Variants in LIN52 observed in about 807,000 individuals in gnomAD.
LIN52 encodes protein lin-52 homolog.
Under a neutral mutation model 18.5 loss-of-function variants are expected in LIN52, and 4 were observed. That is an observed-to-expected ratio of 0.22 (90% confidence interval 0.11 to 0.49). The LOEUF (loss-of-function observed/expected upper bound fraction) is 0.49. LIN52 is among the 20% of genes least tolerant of loss of function. LIN52 has a pLI of 0.97. For synonymous variants in LIN52, 34 were observed against 45.5 expected, an observed-to-expected ratio of 0.75 and a Z score of 1.02; for missense variants, 102 against 139.5, an observed-to-expected ratio of 0.73 and a Z score of 1.35.
chr14:74,166,186 C>T (rs892018231), intron 5 of LIN52, among the ~76,000 whole-genome samples: 1 of 151,556 alleles, frequency 6.6e-6, no homozygotes, highest in Non-Finnish European at 1.5e-5. Context: ...CCACTGCGCC[C>T]AGCTATTTCA....
chr14:74,174,463 A>T (rs2061283818), intron 5 of LIN52: 1 of 152,454 alleles, frequency 6.6e-6, no homozygotes, highest in Non-Finnish European at 1.5e-5. Context: ...ATAGCTGGGC[A>T]TGGTGATGGG....
chr14:74,160,607 A>G (rs1474385655), intron 5 of LIN52, among the ~76,000 whole-genome samples: 2 of 152,218 alleles, frequency 1.3e-5, no homozygotes, highest in Non-Finnish European at 2.9e-5. Flanking sequence ...CCATTTTTCT[A>G]AGTCTTCTAC....
intron 5 of LIN52, among the ~76,000 whole-genome samples, chr14:74,198,141 C>T (rs2078926576): frequency 6.6e-6 from 1 of 152,200 alleles, no homozygotes; most frequent in African/African-American, 2.4e-5. Flanking sequence ...GGGGCTGTTA[C>T]ACTACGTATG....
intron 5 of LIN52, among the ~76,000 whole-genome samples, chr14:74,131,052 G>T (rs2061063553): frequency 1.3e-5 from 2 of 152,058 alleles, no homozygotes; most frequent in Non-Finnish European, 2.9e-5. Context: ...CTCCCAAAGT[G>T]CTAGGATTAC....
intron 3 of LIN52, among the ~76,000 whole-genome samples, chr14:74,097,460 C>T (rs1037230155): frequency 2.2e-5 from 3 of 134,096 alleles, no homozygotes; most frequent in Admixed American, 8.2e-5. Context: ...GAGTAATACT[C>T]TTACCCAGGC....
chr14:74,188,540 C>T (rs1292653337), intron 5 of LIN52, among the ~76,000 whole-genome samples: 2 of 151,724 alleles, frequency 1.3e-5, no homozygotes, highest in Admixed American at 6.6e-5. Flanking sequence ...AATCTCAGCC[C>T]CTCCTCCCTC....
At position 74,118,614 on chromosome 14, in the gene LIN52, A is replaced by G. The variant is rs58759360; in HGVS notation, c.283+17376A>G. ...CATGATAAAATCCAGTGTCTACAAAAAATACAAAAATTAGCCGGGCCTGCT... is the reference window on the plus strand; with the variant it reads ...CATGATAAAATCCAGTGTCTACAAAGAATACAAAAATTAGCCGGGCCTGCT... On this transcript the variant is annotated intron_variant, in intron 5 of 5. Coordinates refer to ENST00000555028, the MANE Select transcript of LIN52 (RefSeq NM_001024674.3). Among the ~76,000 whole-genome samples the G allele has an allele frequency of 4.5e-3, 683 of 152,118 alleles. 4 individuals are homozygous for G. Among genetic ancestry groups the G allele is most frequent in the African/African-American group, 0.015 (636 of 41,492 alleles).
At chr14:74,169,025 G>A (rs2061260642) in intron 5 of LIN52, among the ~76,000 whole-genome samples, 1 of 152,218 alleles carries the variant, frequency 6.6e-6, no homozygotes, top group South Asian at 2.1e-4. Flanking sequence ...GTGTACTCCA[G>A]CCTGGGCAAC....
At chr14:74,151,647 T>C (rs10136252) in intron 5 of LIN52, among the ~76,000 whole-genome samples, 117,965 of 152,088 alleles carry the variant, frequency 0.78, 46,079 homozygotes, top group Admixed American at 0.81. Context: ...CTTTGCCATA[T>C]GGGGGTTTTA....
intron 5 of LIN52, among the ~76,000 whole-genome samples, chr14:74,196,208 A>G (rs2139599554): frequency 6.6e-6 from 1 of 152,346 alleles, no homozygotes; most frequent in South Asian, 2.1e-4. Context: ...GGTTGTTAAA[A>G]AGGATTGGTT....
intron 1 of LIN52, among the ~76,000 whole-genome samples, chr14:74,087,413 CA>C (rs59052804): frequency 0.21 from 20,790 of 99,510 alleles, 1,085 homozygotes; most frequent in South Asian, 0.3. Context: ...GACTCCATTG[CA>C]AAAAAAAAAA....
intron 5 of LIN52, among the ~76,000 whole-genome samples, chr14:74,154,269 T>C (rs2061188955): frequency 6.6e-6 from 1 of 152,292 alleles, no homozygotes; most frequent in South Asian, 2.1e-4. Flanking sequence ...GTCAGGCACA[T>C]TGTAGAATGT....
chr14:74,152,904 G>A (rs1178181205), intron 5 of LIN52, among the ~76,000 whole-genome samples: 2 of 144,514 alleles, frequency 1.4e-5, no homozygotes, highest in Middle Eastern at 3.4e-3. Flanking sequence ...AGGTTGCAGT[G>A]AGCTGAGATC....
chr14:74,135,589 G>A (rs774988819), intron 5 of LIN52, among the ~76,000 whole-genome samples: 21 of 152,184 alleles, frequency 1.4e-4, no homozygotes, highest in Non-Finnish European at 2.1e-4. Context: ...AGGAGGTGAT[G>A]TGATACAAAA....
chr14:74,148,862 T>C (rs2139553334), intron 5 of LIN52, among the ~76,000 whole-genome samples: 1 of 152,306 alleles, frequency 6.6e-6, no homozygotes, highest in African/African-American at 2.4e-5. Flanking sequence ...AGCTTTACCC[T>C]GCTAAGCCTA....
chr14:74,100,487 T>C (rs1465430999), intron 4 of LIN52, among the ~76,000 whole-genome samples: 1 of 151,854 alleles, frequency 6.6e-6, no homozygotes, highest in East Asian at 1.9e-4. Flanking sequence ...ATTTATATTT[T>C]TTTTTTGAGA....
At chr14:74,091,894 T>A (rs2060774607) in intron 2 of LIN52, among the ~76,000 whole-genome samples, 1 of 152,004 alleles carries the variant, frequency 6.6e-6, no homozygotes, top group Admixed American at 6.6e-5. Context: ...GAGATTGAAG[T>A]CCAGTGTTAA....
chr14:74,166,736 G>A (rs2061251453), intron 5 of LIN52, among the ~76,000 whole-genome samples: 1 of 152,142 alleles, frequency 6.6e-6, no homozygotes, highest in South Asian at 2.1e-4. Context: ...TTCCCTTGGT[G>A]TAAGGGGTAT....
intron 5 of LIN52, among the ~76,000 whole-genome samples, chr14:74,154,008 C>A (rs4903194): frequency 5.3e-5 from 8 of 152,022 alleles, no homozygotes; most frequent in East Asian, 1.9e-4. Flanking sequence ...AGGAGCGTTC[C>A]CATATAACCC....
Sources: allele counts gnomAD v4.1 joint callset (sites outside exome capture counted in the v4.1 genomes callset), GRCh38; gene constraint gnomAD v4.1.1; transcripts MANE v1.5; gene names NCBI Gene and HGNC (gene_info 2026-07-23, HGNC 2026-07-21).